MSL2: variants seen among roughly 807,000 people sequenced by gnomAD.
The protein encoded by MSL2 is MSL complex subunit 2.
In MSL2, 2 loss-of-function variants were observed where a neutral mutation model predicts 35.8. The observed-to-expected ratio is 0.06, with a 90% CI of 0.02 to 0.18. The LOEUF is 0.18. Ranked by LOEUF, MSL2 falls within the 10% of genes least tolerant of loss-of-function variation. The pLI, the probability that MSL2 is intolerant of heterozygous loss-of-function variation, is 1.00. For synonymous variants in MSL2, 296 were observed against 255.7 expected, an observed-to-expected ratio of 1.16 and a Z score of -1.50; for missense variants, 523 against 706.7, an observed-to-expected ratio of 0.74 and a Z score of 2.95.
At chr3:136,182,064 C>T (rs1239079944) in intron 1 of MSL2, among the ~76,000 whole-genome samples, 3 of 152,026 alleles carry the variant, frequency 2.0e-5, no homozygotes, top group Non-Finnish European at 4.4e-5. Context: ...ATTTCTCACA[C>T]AGTTTTAAGA....
At chr3:136,180,433 C>A (rs1940307578) in intron 1 of MSL2, among the ~76,000 whole-genome samples, 2 of 151,886 alleles carry the variant, frequency 1.3e-5, no homozygotes, top group African/African-American at 4.8e-5. Context: ...TTAACACAGA[C>A]AACTTATAAA....
intron 1 of MSL2, 87 bp downstream of exon 1, chr3:136,194,885 A>T (rs1940792342): frequency 2.5e-6 from 4 of 1,575,044 alleles, no homozygotes; most frequent in Non-Finnish European, 3.5e-6. Flanking sequence ...AATACCAACC[A>T]CCAGGCCGTC....
intron 1 of MSL2, among the ~76,000 whole-genome samples, chr3:136,162,127 G>A (rs548277070): frequency 1.3e-5 from 2 of 151,194 alleles, no homozygotes; most frequent in South Asian, 2.1e-4. Context: ...TAGTAGAGAC[G>A]GGGTCTCACC....
In MSL2 at chr3:136,152,705, TTGG is replaced by T; in HGVS notation, c.173_175del (p.Thr58del). The T allele has an allele frequency of 6.2e-7, 1 of 1,613,980 alleles. No homozygotes were observed. Among genetic ancestry groups the T allele is most frequent in the Non-Finnish European group, 8.5e-7 (1 of 1,179,992 alleles). ...GCAGACATAATGTTGGCAGGTGGAGTTGGTGGGTGCAATAGGATCTTGTAGCAA... is the reference window on the plus strand; with the variant it reads ...GCAGACATAATGTTGGCAGGTGGAGTTGGGTGCAATAGGATCTTGTAGCAA... On this transcript the variant is annotated inframe_deletion, in exon 2 of 2. Transcript: ENST00000309993.
At chr3:136,194,563 G>A (rs951570529) in intron 1 of MSL2, 12 of 508,062 alleles carry the variant, frequency 2.4e-5, no homozygotes, top group Non-Finnish European at 2.6e-5. Context: ...TTGGGGAAAT[G>A]CAAACACGCC....
intron 1 of MSL2, chr3:136,194,379 T>C (rs1291495599): frequency 1.0e-6 from 1 of 982,288 alleles, no homozygotes; most frequent in Non-Finnish European, 1.2e-6. Flanking sequence ...GAAAAAGTGG[T>C]AAGTAAAAGT....
intron 1 of MSL2, among the ~76,000 whole-genome samples, chr3:136,175,281 T>G (rs913655459): frequency 6.7e-6 from 1 of 149,944 alleles, no homozygotes; most frequent in African/African-American, 2.5e-5. Flanking sequence ...GAGGCGGAGG[T>G]TGCAGTGAGC....
At position 136,165,030 on chromosome 3, in the gene MSL2, C is replaced by T. The variant is rs373923146; in HGVS notation, c.143-12292G>A. Among the ~76,000 whole-genome samples, 130 of 152,118 alleles carry T rather than the reference C, an allele frequency of 8.5e-4. 1 individual carries two copies. In the Middle Eastern group the frequency reaches 0.017, roughly 20 times the overall value. On this transcript the variant is annotated intron_variant, in intron 1 of 1. Transcript: ENST00000309993. ...CTGGGACCACAGGTGAGCACCACTG[C>T]GTCTGGCTAATTTTTTGTATTTTTA... is the stretch of plus-strand genomic sequence containing the variant.
chr3:136,190,381 C>T (rs1940652706), intron 1 of MSL2, among the ~76,000 whole-genome samples: 2 of 152,124 alleles, frequency 1.3e-5, no homozygotes, highest in Non-Finnish European at 1.5e-5. Flanking sequence ...AAGGCCACAT[C>T]TCTACAAAAA....
rs1196460995 is a variant in MSL2, at chr3:136,150,604, G to A, written c.*543C>T. ...TTTTTTCATAATACTGCTGATTTAA[G>A]AACTGCTACATACACCAGTAGCCAA... On this transcript the variant is annotated 3_prime_UTR_variant, in exon 2 of 2. Transcript: ENST00000309993. 2 of 152,710 alleles carry A rather than the reference G, an allele frequency of 1.3e-5. No homozygotes were observed. The highest frequency in any genetic ancestry group is 1.9e-4 in the East Asian group (1 of 5,188). The allele number at this position is 152,710 out of a possible 1,614,324, so 9.5% of individuals were successfully genotyped here.
chr3:136,174,607 G>C (rs1576367546), intron 1 of MSL2, among the ~76,000 whole-genome samples: 1 of 152,190 alleles, frequency 6.6e-6, no homozygotes, highest in African/African-American at 2.4e-5. Flanking sequence ...CTCAATAACA[G>C]GTTTGTGAGG....
At chr3:136,192,183 AT>A (rs35971395) in intron 1 of MSL2, among the ~76,000 whole-genome samples, 1 of 152,110 alleles carries the variant, frequency 6.6e-6, no homozygotes, top group African/African-American at 2.4e-5. Flanking sequence ...TAACTTTTTT[AT>A]TTTTTTGAGC....
At position 136,196,329 on chromosome 3, in the gene MSL2, C is replaced by T. The variant is rs1940847047; in HGVS notation, c.-1216G>A. On this transcript the variant is annotated 5_prime_UTR_variant, in exon 1 of 2. The change abolishes an upstream ATG in the 5' untranslated region. Coordinates refer to ENST00000309993, the MANE Select transcript of MSL2 (RefSeq NM_018133.4). ...CGCCGTCGTCGCTAGCGCTCGCACGCATGCGCAGAGCACACTCTCACCCCT... is the reference window on the plus strand; with the variant it reads ...CGCCGTCGTCGCTAGCGCTCGCACGTATGCGCAGAGCACACTCTCACCCCT... The T allele has an allele frequency of 6.6e-6, 1 of 152,624 alleles. No homozygotes were observed. The highest frequency in any genetic ancestry group is 1.5e-5 in the Non-Finnish European group (1 of 68,338). The allele number at this position is 152,624 out of a possible 1,614,324, so 9.5% of individuals were successfully genotyped here. A position where few individuals can be genotyped will look rare whatever the true frequency, so the allele number is the denominator to read the frequency against.
chr3:136,151,715 G>C lies in MSL2; in HGVS notation c.1166C>G (p.Pro389Arg). The change falls in exon 2 of 2, where the codon CCC (proline) becomes CGC (arginine). Residue 389 changes from proline (P) to arginine (R), a missense_variant. Transcript: ENST00000309993. The surrounding 1 kb of genome is among the most constrained non-coding windows in gnomAD (Gnocchi z 5.2). ...GATTTTAGGTGTTGTGCCTCCATTGGGAACAGTTGCTATAGGTTGAAGAGA... is the reference window on the plus strand; with the variant it reads ...GATTTTAGGTGTTGTGCCTCCATTGCGAACAGTTGCTATAGGTTGAAGAGA... ...KISLQPIATV[P>R]NGGTTPKISK... is the part of the protein sequence containing the mutation. The C allele has an allele frequency of 6.2e-7, 1 of 1,614,060 alleles. No individual in the cohort carries two copies.
At chr3:136,190,424 C>T (rs1940654904) in intron 1 of MSL2, among the ~76,000 whole-genome samples, 1 of 151,872 alleles carries the variant, frequency 6.6e-6, no homozygotes, top group African/African-American at 2.4e-5. Context: ...CGTGTGGTGG[C>T]GCACACCTGT....
intron 1 of MSL2, among the ~76,000 whole-genome samples, chr3:136,173,424 C>CTGGT (rs879916049): frequency 6.6e-6 from 1 of 152,150 alleles, no homozygotes; most frequent in Non-Finnish European, 1.5e-5. Context: ...ACCTAAAAGC[C>CTGGT]TGGTCTTCCT....
At chr3:136,156,587 C>T (rs1410622264) in intron 1 of MSL2, among the ~76,000 whole-genome samples, 2 of 152,300 alleles carry the variant, frequency 1.3e-5, no homozygotes, top group African/African-American at 2.4e-5. Context: ...TGTTTCTGGC[C>T]GGGCACAGTG....
chr3:136,189,231 T>C (rs544370419), intron 1 of MSL2, among the ~76,000 whole-genome samples: 25 of 144,192 alleles, frequency 1.7e-4, no homozygotes, highest in Admixed American at 9.9e-4. Flanking sequence ...GCCCAAGAGG[T>C]TGAGCTGCAC....
chr3:136,165,970 C>T (rs954899964), intron 1 of MSL2, among the ~76,000 whole-genome samples: 41 of 149,498 alleles, frequency 2.7e-4, no homozygotes, highest in African/African-American at 9.6e-4. Flanking sequence ...GCATTGAGTG[C>T]CTGTATCAAA....
Sources: allele counts gnomAD v4.1 joint callset (sites outside exome capture counted in the v4.1 genomes callset), GRCh38; gene constraint gnomAD v4.1.1; non-coding constraint Gnocchi (gnomAD v3.1); transcripts MANE v1.5; gene names NCBI Gene and HGNC (gene_info 2026-07-23, HGNC 2026-07-21).